Variants in ZNF215 observed in about 807,000 individuals in gnomAD.
The protein encoded by ZNF215 is zinc finger protein 215, also known as BWSCR2-associated zinc finger protein 2.
Under a neutral mutation model 27.2 loss-of-function variants are expected in ZNF215, and 24 were observed. The observed-to-expected ratio is 0.88, with a 90% CI of 0.64 to 1.24. The LOEUF (loss-of-function observed/expected upper bound fraction) is 1.24. ZNF215 is among the 50% of genes most tolerant of loss of function. The probability of loss-of-function intolerance (pLI) is 0.00; values close to 1 mark genes in which losing one functional copy is unlikely to be tolerated. For missense variants in ZNF215, 675 were observed against 605.7 expected (o/e 1.11, Z -1.20); for synonymous variants, 210 against 204.0 (o/e 1.03, Z -0.25).
downstream of ZNF215, among the ~76,000 whole-genome samples, chr11:6,991,081 G>T (rs938819824): frequency 2.0e-5 from 3 of 152,186 alleles, no homozygotes; most frequent in Non-Finnish European, 2.9e-5. Context: ...AAGCTTTCCA[G>T]CCTCATCATG....
exon 6 of ZNF215, chr11:6,984,533 T>C (rs1214964187): frequency 1.3e-5 from 2 of 152,580 alleles, no homozygotes; most frequent in Non-Finnish European, 2.9e-5. Flanking sequence ...TGTCACAGCG[T>C]TGGTTGTAAT....
Position 6,957,947 on chromosome 11 carries a change from A to G in ZNF215, c.*1416A>G, listed in dbSNP as rs529542009. The G allele has an allele frequency of 1.3e-5, 13 of 985,330 alleles. No individual in the cohort carries two copies. In the African/African-American group the frequency reaches 1.6e-4, roughly 12 times the overall value. 61.0% of individuals were successfully genotyped at this position (985,330 alleles called of 1,614,324 possible). ...AAAATTCACACTGGAGACATTCCCA[A>G]TTAATGATGATGGTAGCTTTTTGTG... is the stretch of plus-strand genomic sequence containing the variant. On this transcript the variant is annotated 3_prime_UTR_variant, in exon 7 of 7. Transcript: ENST00000278319.
chr11:6,983,252 T>C lies in ZNF215; in HGVS notation c.806-877T>C, dbSNP rs528973010. ...ATAGACCAATAACAGGCTCTGAAAT[T>C]GTGGCAATAATCAATAGCTTACCAA... On this transcript the variant is annotated intron_variant, in intron 5 of 5. Coordinates refer to the ZNF215 transcript ENST00000529903. Among the ~76,000 whole-genome samples, 653 of 152,168 alleles carry C rather than the reference T, an allele frequency of 4.3e-3. 3 individuals are homozygous for C. The highest frequency in any genetic ancestry group is 0.015 in the African/African-American group (607 of 41,478).
At chr11:6,926,787 T>G (rs1297605252) in intron 1 of ZNF215, 102 bp downstream of exon 1, 1 of 152,272 alleles carries the variant, frequency 6.6e-6, no homozygotes, top group East Asian at 1.9e-4. Flanking sequence ...GAATCACGCT[T>G]GAGGGCGTCC....
chr11:6,976,944 C>T (rs1193000224), intron 5 of ZNF215, among the ~76,000 whole-genome samples: 8 of 151,994 alleles, frequency 5.3e-5, no homozygotes, highest in Non-Finnish European at 7.4e-5. Context: ...CAGCATCGTG[C>T]TGTCTCTAGA....
At chr11:6,937,630 C>A (rs1232154798) in intron 3 of ZNF215, among the ~76,000 whole-genome samples, 1 of 151,376 alleles carries the variant, frequency 6.6e-6, no homozygotes, top group African/African-American at 2.4e-5. Flanking sequence ...TCAAAACTCA[C>A]TAAAAAGCTG....
At chr11:6,948,483 T>G (rs1481400674) in intron 6 of ZNF215, among the ~76,000 whole-genome samples, 1 of 152,122 alleles carries the variant, frequency 6.6e-6, no homozygotes, top group Non-Finnish European at 1.5e-5. Context: ...TTTTATGGAC[T>G]CCAGTATAAA....
chr11:6,949,576 GTT>G (rs770507834), intron 6 of ZNF215, among the ~76,000 whole-genome samples: 10 of 152,076 alleles, frequency 6.6e-5, no homozygotes, highest in Non-Finnish European at 1.2e-4. Flanking sequence ...TGTTGATGGC[GTT>G]GTTTGTTTTT....
chr11:6,941,508 A>G, intron 3 of ZNF215, 63 bp from the exon 4 acceptor site: 1 of 1,398,252 alleles, frequency 7.2e-7, no homozygotes, highest in Non-Finnish European at 9.9e-7. Context: ...AAACAACTAT[A>G]ATTATTAGAA....
intron 6 of ZNF215, among the ~76,000 whole-genome samples, chr11:6,948,146 T>C (rs983581602): frequency 7.2e-5 from 11 of 152,182 alleles, no homozygotes; most frequent in African/African-American, 2.7e-4. Context: ...TGGCAAAGGA[T>C]GTGCAGCCAT....
chr11:6,946,587 C>T (rs1564955289), intron 6 of ZNF215, among the ~76,000 whole-genome samples: 1 of 152,212 alleles, frequency 6.6e-6, no homozygotes, highest in Non-Finnish European at 1.5e-5. Context: ...ACTCTTCCCC[C>T]CGTTCTTTAC....
At chr11:6,942,977 AT>A in intron 4 of ZNF215, 105 bp from the exon 5 acceptor site, 2 of 1,475,104 alleles carry the variant, frequency 1.4e-6, no homozygotes, top group South Asian at 1.4e-5. Context: ...TGTCCTATCA[AT>A]TTCTGGTGTA....
At chr11:6,979,327 C>CAGT (rs1850900307) in intron 5 of ZNF215, among the ~76,000 whole-genome samples, 1 of 4,544 alleles carries the variant, frequency 2.2e-4, no homozygotes, top group Non-Finnish European at 6.7e-4. Flanking sequence ...TTGAATAACA[C>CAGT]AGTAATAATA....
chr11:6,989,656 C>A (rs1485761308), downstream of ZNF215, among the ~76,000 whole-genome samples: 4 of 152,160 alleles, frequency 2.6e-5, no homozygotes, highest in African/African-American at 9.7e-5. Context: ...GCACTCTTGG[C>A]TCTTCCTAAA....
chr11:6,932,537 G>C lies in ZNF215; in HGVS notation c.265G>C (p.Glu89Gln). Residue 89 changes from glutamate (E) to glutamine (Q), a missense_variant, in exon 3 of 7, where the codon GAA (glutamate) becomes CAA (glutamine). Physicochemically the swap from Glu to Gln is conservative, Grantham distance 29. Transcript: ENST00000278319. ...PEIHTKKQII[E>Q]LLVLEQFLAI... is the part of the protein sequence containing the mutation. ...GATTCATACAAAGAAGCAGATTATA[G>C]AACTGTTGGTGCTGGAACAATTCCT... is the stretch of plus-strand genomic sequence containing the variant. The C allele has an allele frequency of 6.2e-7, 1 of 1,614,178 alleles. No individual in the cohort carries two copies.
At chr11:6,940,370 A>T (rs1476871173) in intron 3 of ZNF215, among the ~76,000 whole-genome samples, 1 of 152,124 alleles carries the variant, frequency 6.6e-6, no homozygotes, top group Non-Finnish European at 1.5e-5. Flanking sequence ...GGTGGTGCGA[A>T]CACCACTCAC....
intron 5 of ZNF215, 107 bp from the exon 6 acceptor site, chr11:6,943,439 C>G: frequency 8.4e-7 from 1 of 1,196,884 alleles, no homozygotes; most frequent in Non-Finnish European, 1.2e-6. Flanking sequence ...CCTTACCCTT[C>G]AGCAGCTTGG....
At chr11:6,949,063 A>G (rs1386844477) in intron 6 of ZNF215, among the ~76,000 whole-genome samples, 1 of 150,570 alleles carries the variant, frequency 6.6e-6, no homozygotes, top group Non-Finnish European at 1.5e-5. Context: ...CCATGTCCCT[A>G]CAAAGGACAT....
At chr11:6,963,367 A>T (rs547129421) in intron 5 of ZNF215, among the ~76,000 whole-genome samples, 1 of 152,078 alleles carries the variant, frequency 6.6e-6, no homozygotes, top group East Asian at 1.9e-4. Context: ...TTGAGATTCA[A>T]ACATGTTATT....
Sources: allele counts gnomAD v4.1 joint callset (sites outside exome capture counted in the v4.1 genomes callset), GRCh38; gene constraint gnomAD v4.1.1; transcripts MANE v1.5; gene names NCBI Gene and HGNC (gene_info 2026-07-23, HGNC 2026-07-21).